Variants in NEBL observed in about 807,000 individuals in gnomAD.
The protein encoded by NEBL is LIM and SH3 protein 2.
In NEBL, 122 loss-of-function variants were observed where a neutral mutation model predicts 140.2. The ratio of observed to expected loss-of-function variants is 0.87; its 90% CI spans 0.75 to 1.01. The LOEUF is 1.01. Ranked by LOEUF, NEBL falls within the 50% of genes least tolerant of loss-of-function variation. NEBL has a pLI of 0.00. For synonymous variants in NEBL, 436 were observed against 398.9 expected (o/e 1.09, Z -1.11); for missense variants, 1,365 against 1,231.3 (o/e 1.11, Z -1.62).
At chr10:21,243,073 A>G (rs1842461438) in intron 3 of NEBL, among the ~76,000 whole-genome samples, 1 of 152,248 alleles carries the variant, frequency 6.6e-6, no homozygotes, top group East Asian at 1.9e-4. Context: ...ATGCATGATC[A>G]GGGAAGCTGA....
chr10:20,937,576 G>A (rs1321060217), intron 4 of NEBL, among the ~76,000 whole-genome samples: 1 of 152,166 alleles, frequency 6.6e-6, no homozygotes, highest in African/African-American at 2.4e-5. Flanking sequence ...TCACTGGGGA[G>A]TGTCAGAAAG....
intron 2 of NEBL, among the ~76,000 whole-genome samples, chr10:21,083,239 T>C (rs1836469381): frequency 6.6e-6 from 1 of 152,212 alleles, no homozygotes; most frequent in Non-Finnish European, 1.5e-5. Context: ...CTGGACAGCA[T>C]AGCATGACCC....
At chr10:21,263,013 C>T (rs1842758545) in intron 1 of NEBL, among the ~76,000 whole-genome samples, 2 of 152,148 alleles carry the variant, frequency 1.3e-5, no homozygotes, top group African/African-American at 2.4e-5. Context: ...GTGGGCTTCT[C>T]AAGAAGATAC....
At chr10:20,954,148 A>T (rs1835662191) in intron 4 of NEBL, among the ~76,000 whole-genome samples, 1 of 152,180 alleles carries the variant, frequency 6.6e-6, no homozygotes, top group South Asian at 2.1e-4. Context: ...AGACAATGAC[A>T]CAATAGAAAA....
At chr10:20,876,977 T>C (rs907895761) in intron 5 of NEBL, among the ~76,000 whole-genome samples, 1 of 152,240 alleles carries the variant, frequency 6.6e-6, no homozygotes, top group Non-Finnish European at 1.5e-5. Flanking sequence ...ATTAATAAGA[T>C]AGGTTCAGGA....
At chr10:21,077,388 A>C (rs918956389) in intron 2 of NEBL, among the ~76,000 whole-genome samples, 18 of 152,248 alleles carry the variant, frequency 1.2e-4, no homozygotes, top group Admixed American at 7.9e-4. Flanking sequence ...GTGGGTCACA[A>C]GGTCAGGAGA....
chr10:20,908,966 C>T lies in NEBL; in HGVS notation c.357+52706G>A, dbSNP rs114479565. Among the ~76,000 whole-genome samples the T allele has an allele frequency of 7.9e-3, 1,210 of 152,204 alleles. 12 individuals are homozygous for T. The highest frequency in any genetic ancestry group is 0.027 in the African/African-American group (1,139 of 41,536). ...CACTTTTTGTACTGATCACCAGACA[C>T]TGAGATCATAAAATTTGTGTTTGTG... On this transcript the variant is annotated intron_variant, in intron 4 of 6. Transcript: ENST00000417816.
At chr10:21,020,282 C>A (rs144925755) in intron 2 of NEBL, 2 of 1,197,758 alleles carry the variant, frequency 1.7e-6, no homozygotes, top group Non-Finnish European at 2.5e-6. Context: ...TTTTGCACAT[C>A]CCCCCTTTTC....
chr10:21,110,887 A>T lies in NEBL; in HGVS notation c.164+61496T>A, dbSNP rs188771284. On this transcript the variant is annotated intron_variant, in intron 2 of 6. Coordinates refer to the NEBL transcript ENST00000417816. ...CAGTCCAATTAAAGTAACACTGCCA[A>T]CTTTGAAAATGTCTGTACAAAATCA... 114 of 594,060 alleles carry T rather than the reference A, an allele frequency of 1.9e-4. No individual in the cohort carries two copies. The African/African-American group carries it at 2.0e-3, about 10-fold the overall frequency. 36.8% of individuals were successfully genotyped at this position (594,060 alleles called of 1,614,324 possible).
chr10:21,257,176 A>G (rs1842668999), intron 1 of NEBL, among the ~76,000 whole-genome samples: 1 of 152,240 alleles, frequency 6.6e-6, no homozygotes, highest in Admixed American at 6.5e-5. Context: ...CCTGGAATAA[A>G]CACTACCAAG....
At chr10:21,279,554 G>A (rs1842966579) in intron 1 of NEBL, among the ~76,000 whole-genome samples, 1 of 151,802 alleles carries the variant, frequency 6.6e-6, no homozygotes, top group Admixed American at 6.6e-5. Flanking sequence ...ATCACTGGAG[G>A]TCATGAGTTC....
intron 2 of NEBL, among the ~76,000 whole-genome samples, chr10:21,071,021 AAAG>A (rs1835793576): frequency 6.6e-6 from 1 of 151,770 alleles, no homozygotes; most frequent in Non-Finnish European, 1.5e-5. Flanking sequence ...TACAAAAAAA[AAAG>A]GAGCCAGGTG....
chr10:21,025,501 T>C (rs1838988394), intron 2 of NEBL, among the ~76,000 whole-genome samples: 1 of 152,110 alleles, frequency 6.6e-6, no homozygotes, highest in Admixed American at 6.6e-5. Context: ...CTCTGTGAGA[T>C]TCAGTTGTTA....
intron 11 of NEBL, 41 bp from the exon 12 acceptor site, chr10:20,845,409 C>G: frequency 8.2e-7 from 1 of 1,219,476 alleles, no homozygotes. Context: ...TAGCAAATAT[C>G]AGTGACCATT....
intron 2 of NEBL, among the ~76,000 whole-genome samples, chr10:21,039,200 C>A (rs368168626): frequency 2.0e-4 from 30 of 148,858 alleles, no homozygotes; most frequent in African/African-American, 6.0e-4. Flanking sequence ...ATGATAGTTT[C>A]TTTTGCTGTG....
At chr10:20,801,488 T>C (rs565645308) in intron 26 of NEBL, among the ~76,000 whole-genome samples, 5 of 152,244 alleles carry the variant, frequency 3.3e-5, no homozygotes, top group African/African-American at 1.2e-4. Context: ...TAAGTTACCA[T>C]ACCTGGCCTC....
At chr10:20,833,258 C>G (rs1840586778) in intron 14 of NEBL, among the ~76,000 whole-genome samples, 1 of 152,166 alleles carries the variant, frequency 6.6e-6, no homozygotes, top group South Asian at 2.1e-4. Flanking sequence ...TTGCTGATGT[C>G]TCATTGGCTA....
chr10:21,082,761 A>ATTTTTTTTTTTTTTTT (rs71392113), intron 2 of NEBL, among the ~76,000 whole-genome samples: 1 of 109,548 alleles, frequency 9.1e-6, no homozygotes, highest in Non-Finnish European at 1.8e-5. Context: ...GGAGGGATGC[A>ATTTTTTTTTTTTTTTT]TTTTTTTTTT....
At chr10:20,899,372 A>C (rs1588977214), upstream of NEBL, 1 of 1,300,922 alleles carries the variant, frequency 7.7e-7, no homozygotes, top group African/African-American at 1.5e-5. Context: ...CCCCAAGGTG[A>C]ATTACCTTCA....
Sources: gnomAD v4.1 joint callset for allele counts (sites outside exome capture counted in the v4.1 genomes callset) on GRCh38, gnomAD v4.1.1 for gene constraint, MANE v1.5 for transcripts, NCBI Gene and HGNC (gene_info 2026-07-23, HGNC 2026-07-21) for gene names.